Variants in OLFM1 observed in about 807,000 individuals in gnomAD.
OLFM1 encodes the protein olfactomedin 1.
OLFM1 carries 9 observed loss-of-function variants against 49.7 expected under a neutral mutation model. The observed-to-expected ratio is 0.18, with a 90% CI of 0.11 to 0.32. OLFM1 has a LOEUF of 0.32. Among genes scored for constraint, OLFM1 ranks in the 10% least tolerant of loss-of-function variants. The pLI, the probability that OLFM1 is intolerant of heterozygous loss-of-function variation, is 1.00. For synonymous variants in OLFM1, 240 were observed against 271.8 expected, an observed-to-expected ratio of 0.88 and a Z score of 1.15; for missense variants, 369 against 661.8, an observed-to-expected ratio of 0.56 and a Z score of 4.85.
At chr9:135,075,838 G>A (rs1396426175) in intron 1 of OLFM1, 1 of 1,570,404 alleles carries the variant, frequency 6.4e-7, no homozygotes, top group Non-Finnish European at 8.7e-7. Context: ...TCCCTGCCAG[G>A]CGCCCGGCCC....
At position 135,088,848 on chromosome 9, in the gene OLFM1, T is replaced by C. The variant is rs1040142835; in HGVS notation, c.150+709T>C. Among the ~76,000 whole-genome samples, 1 of 152,114 alleles carries C rather than the reference T, an allele frequency of 6.6e-6. No homozygotes were observed. The highest frequency in any genetic ancestry group is 1.5e-5 in the Non-Finnish European group (1 of 68,004). On this transcript the variant is annotated intron_variant, in intron 1 of 5. Transcript: ENST00000371793. The surrounding 1 kb of genome is among the most constrained non-coding windows in gnomAD (Gnocchi z 4.8). ...CTGCGCGCACCCCTCCCTCCTGGCCTCTGAAATTGAAATCGCGTCTCCCTC... is the reference window on the plus strand; with the variant it reads ...CTGCGCGCACCCCTCCCTCCTGGCCCCTGAAATTGAAATCGCGTCTCCCTC...
In OLFM1 at chr9:135,096,049, CT is replaced by C. The variant is rs533134023; in HGVS notation, c.456+32del. On this transcript the variant is annotated intron_variant, in intron 3 of 5. Transcript: ENST00000371793. ...GCATGTTCCTCCCCCTCTCCCTCCC[CT>C]TATCCTCCTCCTCCTCCTCTTCCTC... 1.1e-3 allele frequency: 1,773 copies of C among 1,595,418 alleles called. 5 individuals are homozygous for C. Among genetic ancestry groups the C allele is most frequent in the Middle Eastern group, 8.9e-3 (52 of 5,872 alleles).
At chr9:135,091,645 T>TAGTCACA (rs1830697299) in intron 2 of OLFM1, among the ~76,000 whole-genome samples, 7 of 5,322 alleles carry the variant, frequency 1.3e-3, no homozygotes, top group African/African-American at 6.7e-3. Flanking sequence ...TCACACACAC[T>TAGTCACA]CACATAGTCA....
chr9:135,097,554 A>G (rs1013578282), intron 3 of OLFM1, among the ~76,000 whole-genome samples: 1 of 152,200 alleles, frequency 6.6e-6, no homozygotes, highest in Non-Finnish European at 1.5e-5. Context: ...CTGGGGGAAG[A>G]AAAGCAAGCG....
chr9:135,087,553 C>A (rs548221878), upstream of OLFM1: 3 of 1,191,026 alleles, frequency 2.5e-6, no homozygotes, highest in Non-Finnish European at 3.3e-6. Flanking sequence ...CAGGGGGCGG[C>A]GGGGAGCCGA....
chr9:135,103,850 G>A (rs189561318), intron 4 of OLFM1, among the ~76,000 whole-genome samples: 26 of 152,276 alleles, frequency 1.7e-4, no homozygotes, highest in Admixed American at 1.1e-3. Flanking sequence ...GCAGCCTTCC[G>A]AGGGGGCACT....
chr9:135,089,897 A>G (rs1197489275), intron 1 of OLFM1, among the ~76,000 whole-genome samples: 1 of 152,124 alleles, frequency 6.6e-6, no homozygotes, highest in Non-Finnish European at 1.5e-5. Flanking sequence ...CAGCAGATCA[A>G]TTTGGCCAGA....
exon 1 of OLFM1, chr9:135,075,566 G>A: frequency 3.3e-6 from 1 of 306,452 alleles, no homozygotes; most frequent in South Asian, 4.3e-5. Context: ...AGCAGAGCCC[G>A]CGCGCCGCCC....
intron 5 of OLFM1, among the ~76,000 whole-genome samples, chr9:135,109,580 T>C (rs1830993766): frequency 6.6e-6 from 1 of 152,070 alleles, no homozygotes; most frequent in Admixed American, 6.6e-5. Context: ...CAGCACAGCC[T>C]CCAACTCCCA....
rs12343140 is a variant in OLFM1 at position 135,080,544 on chromosome 9, G to A, written c.96+4742G>A. 0.048 allele frequency among the ~76,000 whole-genome samples: 7,251 copies of A among 152,018 alleles called. 590 individuals carry two copies. The highest frequency in any genetic ancestry group is 0.17 in the African/African-American group (6,886 of 41,430). On this transcript the variant is annotated intron_variant, in intron 1 of 5. Coordinates refer to the OLFM1 transcript ENST00000252854. The surrounding 1 kb of genome is among the most constrained non-coding windows in gnomAD (Gnocchi z 4.5). ...GGTGGAGAGGCTCCTGACACCAGGG[G>A]CGCTGAGCTGTCAATCCTGCCCATG... is the stretch of plus-strand genomic sequence containing the variant.
chr9:135,120,227 T>C lies in OLFM1; in HGVS notation c.*49T>C. 2.0e-6 allele frequency: 3 copies of C among 1,495,934 alleles called. No homozygotes were observed. Among genetic ancestry groups the C allele is most frequent in the Non-Finnish European group, 2.7e-6 (3 of 1,106,280 alleles). The allele number at this position is 1,495,934 out of a possible 1,614,324, so 92.7% of individuals were successfully genotyped here. On this transcript the variant is annotated 3_prime_UTR_variant, in exon 6 of 6. Transcript: ENST00000371793. ...GCCCACGTCCTCACCACAAAGGGACTCCTGTGAAACTGCTGCCAAAAAGAT... is the reference window on the plus strand; with the variant it reads ...GCCCACGTCCTCACCACAAAGGGACCCCTGTGAAACTGCTGCCAAAAAGAT...
At chr9:135,083,979 C>T (rs1259625227), upstream of OLFM1, among the ~76,000 whole-genome samples, 1 of 152,202 alleles carries the variant, frequency 6.6e-6, no homozygotes, top group Non-Finnish European at 1.5e-5. Flanking sequence ...GGGAGCCGGG[C>T]CAGGATGGAA....
At chr9:135,109,201 C>T (rs941154370) in intron 5 of OLFM1, among the ~76,000 whole-genome samples, 1 of 152,190 alleles carries the variant, frequency 6.6e-6, no homozygotes, top group Non-Finnish European at 1.5e-5. Context: ...CTCTTGACTT[C>T]TGTTTTTGTA....
At chr9:135,081,872 G>A (rs1289335520) in intron 1 of OLFM1, among the ~76,000 whole-genome samples, 3 of 152,194 alleles carry the variant, frequency 2.0e-5, no homozygotes, top group Non-Finnish European at 4.4e-5. Context: ...ACACGCCTGC[G>A]GGTCCGGTGA....
At chr9:135,084,373 C>G (rs899515962), upstream of OLFM1, among the ~76,000 whole-genome samples, 9 of 147,766 alleles carry the variant, frequency 6.1e-5, no homozygotes, top group African/African-American at 1.1e-4. The surrounding 1 kb of genome is among the most constrained non-coding windows in gnomAD (Gnocchi z 4.6). Context: ...TCCGTCTCTT[C>G]TCTCTCTCCT....
At chr9:135,076,618 C>A in intron 1 of OLFM1, 2 of 1,082,494 alleles carry the variant, frequency 1.8e-6, no homozygotes, top group East Asian at 2.6e-5. Flanking sequence ...AGCCTGCCAG[C>A]CGAGGGAGCC....
intron 1 of OLFM1, chr9:135,075,955 G>A: frequency 7.1e-7 from 1 of 1,413,168 alleles, no homozygotes; most frequent in Non-Finnish European, 9.2e-7. Flanking sequence ...GGGCCAGGGC[G>A]CTAGGCTGGA....
At chr9:135,087,310 C>T (rs1409586390), upstream of OLFM1, 3 of 1,518,310 alleles carry the variant, frequency 2.0e-6, no homozygotes, top group Non-Finnish European at 2.6e-6. Flanking sequence ...CGTCTCTCTG[C>T]CGGCAACCTT....
intron 2 of OLFM1, among the ~76,000 whole-genome samples, chr9:135,091,833 T>TCA (rs199926578): frequency 1.3e-3 from 94 of 71,290 alleles, no homozygotes; most frequent in Non-Finnish European, 2.2e-3. Flanking sequence ...ACACTCACAG[T>TCA]CACACACACA....
Sources: gnomAD v4.1 joint callset for allele counts (sites outside exome capture counted in the v4.1 genomes callset) on GRCh38, gnomAD v4.1.1 for gene constraint, Gnocchi (gnomAD v3.1) non-coding constraint, MANE v1.5 for transcripts, NCBI Gene and HGNC (gene_info 2026-07-23, HGNC 2026-07-21) for gene names.